The following NBAS variants were observed in gnomAD, a reference collection of about 807,000 sequenced individuals.
NBAS encodes NBAS subunit of NRZ tethering complex, also known as NAG/BC035112 fusion.
A neutral mutation model predicts 302.5 loss-of-function variants in NBAS; 219 were observed. That is an observed-to-expected ratio of 0.72 (90% confidence interval 0.65 to 0.81). The LOEUF (loss-of-function observed/expected upper bound fraction) is 0.81, where lower values mean the gene tolerates loss of function less well. Ranked by LOEUF, NBAS falls within the 30% of genes least tolerant of loss-of-function variation. NBAS has a pLI of 0.00. For synonymous variants in NBAS, 1,118 were observed against 1,021.6 expected, an observed-to-expected ratio of 1.09 and a Z score of -1.80; for missense variants, 2,932 against 2,841.6, an observed-to-expected ratio of 1.03 and a Z score of -0.72.
chr2:14,975,224 TA>T, the NBAS span, among the ~76,000 whole-genome samples: 5 of 152,210 alleles, frequency 3.3e-5, no homozygotes, highest in Admixed American at 2.0e-4. Context: ...TTGCTGAGCC[TA>T]ACTGGACTTC....
chr2:15,139,561 C>T, the NBAS span, among the ~76,000 whole-genome samples: 1 of 151,752 alleles, frequency 6.6e-6, no homozygotes, highest in South Asian at 2.1e-4. Flanking sequence ...ATATAAAAAC[C>T]ACCTCAAATC....
At chr2:15,525,762 AAT>A (rs1662887116) in intron 9 of NBAS, among the ~76,000 whole-genome samples, 1 of 152,232 alleles carries the variant, frequency 6.6e-6, no homozygotes, top group African/African-American at 2.4e-5. Context: ...AAATATTGGA[AAT>A]ACAACAAAAT....
the NBAS span, among the ~76,000 whole-genome samples, chr2:15,159,217 A>C: frequency 6.6e-6 from 1 of 152,204 alleles, no homozygotes; most frequent in South Asian, 2.1e-4. Flanking sequence ...AACTCTGGCT[A>C]CTAAGGCCCT....
At chr2:14,961,146 A>C in the NBAS span, among the ~76,000 whole-genome samples, 1 of 152,168 alleles carries the variant, frequency 6.6e-6, no homozygotes, top group Non-Finnish European at 1.5e-5. Context: ...GTTTCCATGA[A>C]GGAGAACTGA....
the NBAS span, among the ~76,000 whole-genome samples, chr2:15,126,897 G>A: frequency 3.9e-5 from 6 of 152,126 alleles, no homozygotes; most frequent in Non-Finnish European, 4.4e-5. Flanking sequence ...CACAAAGGAG[G>A]AAATAGAGGT....
chr2:15,320,747 G>C (rs929652625), intron 38 of NBAS, among the ~76,000 whole-genome samples: 7 of 141,092 alleles, frequency 5.0e-5, no homozygotes, highest in Non-Finnish European at 1.1e-4. Context: ...CAAAATAAAA[G>C]AGGATACAAA....
chr2:15,231,705 A>G (rs73194968), intron 47 of NBAS, among the ~76,000 whole-genome samples: 2,423 of 152,354 alleles, frequency 0.016, 56 homozygotes, highest in African/African-American at 0.053. Context: ...GGTAACATGC[A>G]AATAAAAATA....
At chr2:15,511,166 A>G (rs865933916) in intron 10 of NBAS, 46 bp downstream of exon 10, 4 of 1,611,444 alleles carry the variant, frequency 2.5e-6, no homozygotes, top group Middle Eastern at 3.3e-4. Context: ...CAAATAGCAC[A>G]GTGAAATGAC....
At chr2:15,369,676 C>G (rs556348843) in intron 31 of NBAS, among the ~76,000 whole-genome samples, 47 of 152,150 alleles carry the variant, frequency 3.1e-4, no homozygotes, top group Non-Finnish European at 1.9e-4. Context: ...TCCTAAAATT[C>G]CTTTCCAAAT....
At chr2:14,986,109 C>G in the NBAS span, among the ~76,000 whole-genome samples, 21 of 152,036 alleles carry the variant, frequency 1.4e-4, no homozygotes, top group African/African-American at 5.1e-4. Flanking sequence ...TAACAAGGTA[C>G]TATTTTGAGT....
rs998530126 is a variant in NBAS at position 15,394,443 on chromosome 2, T to A, written c.3135-94A>T. On this transcript the variant is annotated intron_variant, in intron 27 of 51. Coordinates refer to ENST00000281513, the MANE Select transcript of NBAS (RefSeq NM_015909.4). The stretch of plus-strand genomic sequence containing the variant: ...AGAGGTAGCCCTTCAGTGTTTAGTA[T>A]TAAAAAAAAATTATCCCATAGTGTA... 1.3e-5 allele frequency: 18 copies of A among 1,379,964 alleles called. No individual in the cohort carries two copies. The East Asian group carries it at 3.7e-4, about 28-fold the overall frequency. The allele number at this position is 1,379,964 out of a possible 1,614,324, so 85.5% of individuals were successfully genotyped here.
At chr2:15,178,737 C>G (rs1664672637) in intron 51 of NBAS, among the ~76,000 whole-genome samples, 1 of 152,200 alleles carries the variant, frequency 6.6e-6, no homozygotes, top group South Asian at 2.1e-4. Context: ...AGAAAACTGT[C>G]TTCTTATTTG....
intron 6 of NBAS, among the ~76,000 whole-genome samples, chr2:15,551,056 T>G (rs1388763927): frequency 6.6e-6 from 1 of 152,166 alleles, no homozygotes; most frequent in African/African-American, 2.4e-5. Flanking sequence ...AAGGAGCAGG[T>G]CTTTTTGCTC....
chr2:15,143,798 A>C, the NBAS span, among the ~76,000 whole-genome samples: 1 of 152,064 alleles, frequency 6.6e-6, no homozygotes, highest in Non-Finnish European at 1.5e-5. Context: ...AGTGGGCACC[A>C]TCTAATCAGC....
chr2:14,815,886 G>A, the NBAS span, among the ~76,000 whole-genome samples: 1 of 152,128 alleles, frequency 6.6e-6, no homozygotes, highest in Non-Finnish European at 1.5e-5. Flanking sequence ...ACTGAGGCCT[G>A]CTAAATTTGT....
intron 40 of NBAS, among the ~76,000 whole-genome samples, chr2:15,300,070 G>C (rs946697592): frequency 6.6e-6 from 1 of 152,182 alleles, no homozygotes; most frequent in Non-Finnish European, 1.5e-5. Context: ...TCATCTGAGA[G>C]AGCTGCTGGG....
the NBAS span, among the ~76,000 whole-genome samples, chr2:14,842,864 AC>A: frequency 6.6e-5 from 10 of 150,808 alleles, no homozygotes; most frequent in Non-Finnish European, 1.3e-4. Flanking sequence ...AAAAAAAAAA[AC>A]ATATACAGCA....
At chr2:15,335,011 A>C (rs749221554) in intron 35 of NBAS, among the ~76,000 whole-genome samples, 5 of 151,998 alleles carry the variant, frequency 3.3e-5, no homozygotes, top group Non-Finnish European at 7.4e-5. Flanking sequence ...TTTTGTTCTG[A>C]TTTCTTTCAC....
At chr2:15,340,050 T>C (rs1272284926) in intron 35 of NBAS, among the ~76,000 whole-genome samples, 1 of 152,118 alleles carries the variant, frequency 6.6e-6, no homozygotes, top group Non-Finnish European at 1.5e-5. Context: ...AAAGAGACCA[T>C]GGGTGTCCTT....
Sources: allele counts gnomAD v4.1 joint callset (sites outside exome capture counted in the v4.1 genomes callset), GRCh38; gene constraint gnomAD v4.1.1; transcripts MANE v1.5; gene names NCBI Gene and HGNC (gene_info 2026-07-23, HGNC 2026-07-21).